DENND2C: variants seen among roughly 807,000 people sequenced by gnomAD.
The protein encoded by DENND2C is DENN domain containing 2C.
A neutral mutation model predicts 112.4 loss-of-function variants in DENND2C; 72 were observed. That is an observed-to-expected ratio of 0.64 (90% confidence interval 0.53 to 0.78). The LOEUF (loss-of-function observed/expected upper bound fraction) is 0.78. Ranked by LOEUF, DENND2C falls within the 30% of genes least tolerant of loss-of-function variation. The pLI, the probability that DENND2C is intolerant of heterozygous loss-of-function variation, is 0.00. For missense variants in DENND2C, 992 were observed against 1,113.8 expected, an observed-to-expected ratio of 0.89 and a Z score of 1.56; for synonymous variants, 329 against 381.6, an observed-to-expected ratio of 0.86 and a Z score of 1.61.
intron 16 of DENND2C, among the ~76,000 whole-genome samples, chr1:114,596,723 A>G (rs1045895429): frequency 2.0e-5 from 3 of 152,088 alleles, no homozygotes; most frequent in Non-Finnish European, 2.9e-5. Context: ...TTACTTTTAC[A>G]TATGTTTAAA....
intron 8 of DENND2C, among the ~76,000 whole-genome samples, chr1:114,614,456 C>T (rs1655902005): frequency 1.3e-5 from 2 of 152,076 alleles, no homozygotes; most frequent in South Asian, 2.1e-4. Context: ...GAGTTGGTCA[C>T]AGAGGTAGGT....
chr1:114,624,035 T>C (rs72687834), intron 4 of DENND2C, among the ~76,000 whole-genome samples: 9,493 of 152,228 alleles, frequency 0.062, 458 homozygotes, highest in Non-Finnish European at 0.094. Flanking sequence ...CTTCTTTAAA[T>C]TGGTATGGGA....
intron 1 of DENND2C, among the ~76,000 whole-genome samples, chr1:114,656,471 A>G (rs562141758): frequency 1.3e-5 from 2 of 148,360 alleles, no homozygotes; most frequent in South Asian, 4.2e-4. Context: ...ATCTCGGCTC[A>G]CTGTAACCTC....
At chr1:114,649,251 G>A (rs1158847998) in intron 2 of DENND2C, among the ~76,000 whole-genome samples, 2 of 151,910 alleles carry the variant, frequency 1.3e-5, no homozygotes, top group South Asian at 2.1e-4. Context: ...CATTGCACCC[G>A]GCACTTTTCA....
intron 8 of DENND2C, among the ~76,000 whole-genome samples, chr1:114,615,288 C>T (rs1354568073): frequency 6.6e-6 from 1 of 152,054 alleles, no homozygotes; most frequent in Non-Finnish European, 1.5e-5. Context: ...CACAAAAATA[C>T]CTTTGACAAT....
At chr1:114,594,374 A>G in intron 18 of DENND2C, 99 bp downstream of exon 18, 1 of 978,706 alleles carries the variant, frequency 1.0e-6, no homozygotes, top group South Asian at 1.5e-5. Context: ...AGGCAATCTA[A>G]TGCTACTTTG....
At chr1:114,627,734 C>T (rs1439634097) in intron 3 of DENND2C, among the ~76,000 whole-genome samples, 1 of 152,124 alleles carries the variant, frequency 6.6e-6, no homozygotes, top group Non-Finnish European at 1.5e-5. Flanking sequence ...ATCTAATCTG[C>T]TACTGTTGAT....
intron 2 of DENND2C, among the ~76,000 whole-genome samples, chr1:114,652,623 A>C (rs1198658482): frequency 3.3e-5 from 5 of 150,362 alleles, no homozygotes; most frequent in African/African-American, 1.2e-4. Flanking sequence ...TCGAATTTGC[A>C]TCATAAAACC....
At chr1:114,629,217 C>G (rs557023677) in intron 3 of DENND2C, among the ~76,000 whole-genome samples, 3 of 152,306 alleles carry the variant, frequency 2.0e-5, no homozygotes, top group Admixed American at 1.3e-4. Flanking sequence ...ACAAAAGAAA[C>G]AACAGCGGTC....
intron 3 of DENND2C, among the ~76,000 whole-genome samples, chr1:114,632,343 C>G (rs1656513290): frequency 6.6e-6 from 1 of 151,754 alleles, no homozygotes; most frequent in Non-Finnish European, 1.5e-5. Context: ...ACAAAGAAAG[C>G]CACAAGGAAA....
At chr1:114,597,792 A>G (rs1419917968) in intron 16 of DENND2C, among the ~76,000 whole-genome samples, 4 of 152,206 alleles carry the variant, frequency 2.6e-5, no homozygotes, top group Non-Finnish European at 5.9e-5. Context: ...CAAAAACGAA[A>G]CAAAACAGTA....
At chr1:114,593,649 G>C (rs1655258231) in intron 18 of DENND2C, among the ~76,000 whole-genome samples, 1 of 152,064 alleles carries the variant, frequency 6.6e-6, no homozygotes, top group Non-Finnish European at 1.5e-5. Flanking sequence ...GCTAGGTGTG[G>C]TGGTGCATGC....
At chr1:114,602,800 A>T (rs1354656207) in intron 11 of DENND2C, among the ~76,000 whole-genome samples, 2 of 152,116 alleles carry the variant, frequency 1.3e-5, no homozygotes, top group Non-Finnish European at 1.5e-5. Flanking sequence ...CTGCGTTCAA[A>T]TAATCCTTCT....
rs781305601 is a variant in DENND2C, at chr1:114,599,410, T to C, written c.2147A>G (p.Tyr716Cys). Residue 716 changes from tyrosine to cysteine, a missense_variant, in exon 16 of 21, where the codon TAT becomes TGT. Coordinates refer to ENST00000393274, the MANE Select transcript of DENND2C (RefSeq NM_001256404.2). ...KCGHAVVATL[Y>C]PFTWQHTYIP... is the part of the protein sequence containing the mutation. ...ATAGGTATGCTGCCAGGTGAACGGA[T>C]ACAGTGTAGCTACCACAGCATGGCC... 6 of 1,613,972 alleles carry C rather than the reference T, an allele frequency of 3.7e-6. No homozygotes were observed. The Admixed American group carries it at 8.3e-5, about 22-fold the overall frequency.
intron 1 of DENND2C, among the ~76,000 whole-genome samples, chr1:114,656,304 C>T (rs968470048): frequency 2.0e-5 from 3 of 152,084 alleles, no homozygotes; most frequent in African/African-American, 7.3e-5. Flanking sequence ...AAACTCCTGG[C>T]CTCAAGCGAT....
At position 114,595,573 on chromosome 1, in the gene DENND2C, T is replaced by C. The variant is rs919433559; in HGVS notation, c.2325+259A>G. On this transcript the variant is annotated intron_variant, in intron 17 of 20. Transcript: ENST00000393274. ...GGCTTATGTGTCGACCCACCTGGAG[T>C]TGAAGGGTGGTTTTACCTCTTTTGA... is the stretch of plus-strand genomic sequence containing the variant. 3 of 380,146 alleles carry C rather than the reference T, an allele frequency of 7.9e-6. No individual in the cohort carries two copies. In the Admixed American group the frequency reaches 1.3e-4, roughly 16 times the overall value. 23.5% of individuals were successfully genotyped at this position (380,146 alleles called of 1,614,324 possible).
chr1:114,649,315 T>C (rs1026843040), intron 2 of DENND2C, among the ~76,000 whole-genome samples: 1 of 152,174 alleles, frequency 6.6e-6, no homozygotes, highest in Non-Finnish European at 1.5e-5. Flanking sequence ...TGTCCCAAAC[T>C]AGAACTTTTC....
intron 20 of DENND2C, 99 bp downstream of exon 20, chr1:114,587,288 C>A: frequency 2.2e-6 from 3 of 1,333,376 alleles, no homozygotes; most frequent in Non-Finnish European, 3.2e-6. Context: ...CTCAAGCAAA[C>A]CTCCTTACTT....
chr1:114,603,179 C>T (rs945435366), intron 11 of DENND2C, among the ~76,000 whole-genome samples: 16 of 150,686 alleles, frequency 1.1e-4, no homozygotes, highest in African/African-American at 3.2e-4. Context: ...CTCACTCTGT[C>T]GCCCAGGCTG....
Sources: allele counts gnomAD v4.1 joint callset (sites outside exome capture counted in the v4.1 genomes callset), GRCh38; gene constraint gnomAD v4.1.1; transcripts MANE v1.5; gene names NCBI Gene and HGNC (gene_info 2026-07-23, HGNC 2026-07-21).